EIF3A: variants seen among roughly 807,000 people sequenced by gnomAD.
The protein encoded by EIF3A is eukaryotic translation initiation factor 3 subunit A.
EIF3A carries 21 observed loss-of-function variants against 186.6 expected under a neutral mutation model. The observed-to-expected ratio is 0.11, with a 90% CI of 0.08 to 0.16. The LOEUF is 0.16. EIF3A is among the 10% of genes least tolerant of loss of function. The pLI is 1.00. For missense variants in EIF3A, 1,306 were observed against 1,796.3 expected, an observed-to-expected ratio of 0.73 and a Z score of 4.93; for synonymous variants, 563 against 584.3, an observed-to-expected ratio of 0.96 and a Z score of 0.52.
rs1172056746 is a variant in EIF3A, at chr10:119,060,731, T to C, written c.1326+15A>G. ...ACATAACATCACAAAACTTTTTTTA[T>C]TTTTTTATTTTTACCTGCTGCAGAA... is the stretch of plus-strand genomic sequence containing the variant. On this transcript the variant is annotated intron_variant, in intron 9 of 21. Coordinates refer to ENST00000369144, the MANE Select transcript of EIF3A (RefSeq NM_003750.4). 4.4e-6 allele frequency: 7 copies of C among 1,578,368 alleles called. No individual in the cohort carries two copies. The East Asian group carries it at 1.4e-4, about 31-fold the overall frequency.
chr10:119,078,338 C>A (rs569480882), intron 1 of EIF3A, among the ~76,000 whole-genome samples: 21 of 152,212 alleles, frequency 1.4e-4, no homozygotes, highest in East Asian at 7.7e-4. Flanking sequence ...ATTTTTCCCC[C>A]AAAAATTGCT....
In EIF3A at chr10:119,051,299, C is replaced by T. The variant is rs935852797; in HGVS notation, c.2219G>A (p.Arg740His). The T allele has an allele frequency of 2.5e-6, 4 of 1,601,498 alleles. No individual in the cohort carries two copies. The highest frequency in any genetic ancestry group is 2.6e-6 in the Non-Finnish European group (3 of 1,176,124). Residue 740 changes from arginine (R) to histidine (H), a missense_variant, in exon 15 of 22, where the codon CGT (arginine) becomes CAT (histidine). Arg to His is a conservative substitution (Grantham distance 29). Transcript: ENST00000369144. ...EERITTMQLE[R>H]EKALEHKNRM... ...ATTCTTATGTTCAAGAGCCTTTTCA[C>T]GTTCTAGCTGCATTGTAGTAATCTG...
Position 119,053,156 on chromosome 10 carries a change from C to T in EIF3A, c.2197-1835G>A, listed in dbSNP as rs140114092. On this transcript the variant is annotated intron_variant, in intron 14 of 21. Coordinates refer to ENST00000369144, the MANE Select transcript of EIF3A (RefSeq NM_003750.4). ...CAGGGGGCTTAAAATATTCAGCAAACCATGCTATTAACAGATATGCTGTCA... is the reference window on the plus strand; with the variant it reads ...CAGGGGGCTTAAAATATTCAGCAAATCATGCTATTAACAGATATGCTGTCA... Among the ~76,000 whole-genome samples, 996 of 152,156 alleles carry T rather than the reference C, an allele frequency of 6.5e-3. 10 individuals are homozygous for T. Among genetic ancestry groups the T allele is most frequent in the African/African-American group, 0.022 (929 of 41,494 alleles).
In EIF3A at chr10:119,042,700, C is replaced by T; in HGVS notation, c.2820G>A (p.Leu940=). Residue 940 remains leucine, a synonymous_variant, in exon 19 of 22, where the codon CTG becomes CTA. Transcript: ENST00000369144. The surrounding 1 kb of genome is among the most constrained non-coding windows in gnomAD (Gnocchi z 7.8). ...HRRDEERPRR[L]GDDEDREPSL... is the part of the protein sequence containing the mutation. ...AGGGCTCTCTATCTTCATCATCCCCCAGACGCCGGGGCCGCTCTTCATCTC... is the reference window on the plus strand; with the variant it reads ...AGGGCTCTCTATCTTCATCATCCCCTAGACGCCGGGGCCGCTCTTCATCTC... The T allele has an allele frequency of 2.5e-6, 4 of 1,614,126 alleles. No individual in the cohort carries two copies. Among genetic ancestry groups the T allele is most frequent in the Non-Finnish European group, 3.4e-6 (4 of 1,180,036 alleles).
rs1848182084 is a variant in EIF3A at position 119,039,637 on chromosome 10, T to G, written c.3527-1198A>C. On this transcript the variant is annotated intron_variant, in intron 19 of 21. Transcript: ENST00000369144. The stretch of plus-strand genomic sequence containing the variant: ...GTGATCTGAGATCACGCCACTGCAC[T>G]CCAGCCTGGGAGACAGTGAGGCCCC... Among the ~76,000 whole-genome samples the G allele has an allele frequency of 4.6e-5, 7 of 152,224 alleles. No individual in the cohort carries two copies. In the South Asian group the frequency reaches 1.4e-3, roughly 32 times the overall value.
chr10:119,057,842 G>T, intron 12 of EIF3A, 114 bp downstream of exon 12: 1 of 792,346 alleles, frequency 1.3e-6, no homozygotes, highest in Non-Finnish European at 2.0e-6. Flanking sequence ...ATGACCAGCT[G>T]TACCAAAATG....
chr10:119,073,149 A>G (rs1844105847), intron 3 of EIF3A, 96 bp from the exon 4 acceptor site: 4 of 1,220,052 alleles, frequency 3.3e-6, no homozygotes, highest in Non-Finnish European at 3.4e-6. Flanking sequence ...AACAGTGCAA[A>G]TTCTTCCCAC....
At chr10:119,064,350 A>G (rs1024167994) in intron 7 of EIF3A, among the ~76,000 whole-genome samples, 7 of 152,142 alleles carry the variant, frequency 4.6e-5, no homozygotes, top group African/African-American at 1.7e-4. Flanking sequence ...GGATCTGTGT[A>G]CCCACCCAAA....
rs1169684436 is a variant in EIF3A at position 119,064,415 on chromosome 10, TAAATCA to T, written c.1122+978_1122+983del. ...GGAGTGTGGCCTGGTGGGAGGTGAC[TAAATCA>T]TGGGGGCAATTTCTAATGATTTAGC... On this transcript the variant is annotated intron_variant, in intron 7 of 21. Coordinates refer to ENST00000369144, the MANE Select transcript of EIF3A (RefSeq NM_003750.4). Among the ~76,000 whole-genome samples the T allele has an allele frequency of 3.3e-5, 5 of 152,278 alleles. No individual in the cohort carries two copies. The East Asian group carries it at 9.6e-4, about 29-fold the overall frequency.
intron 1 of EIF3A, among the ~76,000 whole-genome samples, chr10:119,075,278 T>A (rs889674277): frequency 6.6e-6 from 1 of 152,112 alleles, no homozygotes; most frequent in Admixed American, 6.6e-5. Flanking sequence ...TTCTTTTGAA[T>A]TTATTATCCC....
At chr10:119,074,460 CGT>C (rs1564761856) in intron 1 of EIF3A, among the ~76,000 whole-genome samples, 1 of 96,938 alleles carries the variant, frequency 1.0e-5, no homozygotes, top group African/African-American at 3.4e-5. Flanking sequence ...AGCGAAATTC[CGT>C]GTCTCAAAAA....
Position 119,038,380 on chromosome 10 carries a change from T to C in EIF3A, c.3586A>G (p.Arg1196Gly). The change falls in exon 20 of 22, where the codon AGG becomes GGG. Residue 1196 changes from arginine to glycine, a missense_variant. Transcript: ENST00000369144. Reference sequence around the variant, plus strand: ...TCCCATTCACGTTCTTCTGATGGCCTTGATTCTCGAGGTGGACCCCAGCTC... The same window carrying C: ...TCCCATTCACGTTCTTCTGATGGCCCTGATTCTCGAGGTGGACCCCAGCTC... ...EESWGPPRES[R>G]PSEEREWDRE... The C allele has an allele frequency of 6.2e-7, 1 of 1,614,222 alleles. No individual in the cohort carries two copies.
intron 2 of EIF3A, 66 bp downstream of exon 2, chr10:119,073,681 A>G: frequency 6.4e-7 from 1 of 1,560,302 alleles, no homozygotes; most frequent in Non-Finnish European, 8.7e-7. Flanking sequence ...TCACTTCGAA[A>G]GGTAAGTTCT....
At chr10:119,072,838 C>T (rs1294146012) in intron 4 of EIF3A, 52 bp downstream of exon 4, 5 of 1,547,846 alleles carry the variant, frequency 3.2e-6, no homozygotes, top group Non-Finnish European at 4.3e-6. Context: ...AGAAAATTTA[C>T]TCCTCAGTCA....
At chr10:119,061,826 C>T (rs1843892768) in intron 7 of EIF3A, among the ~76,000 whole-genome samples, 1 of 152,098 alleles carries the variant, frequency 6.6e-6, no homozygotes, top group Non-Finnish European at 1.5e-5. Flanking sequence ...ACAAACATAG[C>T]GGTGAGAAAA....
At chr10:119,037,378 A>C in intron 20 of EIF3A, 69 bp from the exon 21 acceptor site, 2 of 1,385,018 alleles carry the variant, frequency 1.4e-6, no homozygotes, top group Non-Finnish European at 2.0e-6. Flanking sequence ...AAGTACATCC[A>C]GTCCAAGCTG....
rs777716263 is a variant in EIF3A at position 119,034,533 on chromosome 10, G to A, written c.*1506C>T. The A allele has an allele frequency of 1.3e-5, 2 of 152,138 alleles. No individual in the cohort carries two copies. The highest frequency in any genetic ancestry group is 2.9e-5 in the Non-Finnish European group (2 of 68,034). The allele number at this position is 152,138 out of a possible 1,614,324, so 9.4% of individuals were successfully genotyped here. A position where few individuals can be genotyped will look rare whatever the true frequency, so the allele number is the denominator to read the frequency against. ...ACGAAAGACCTTTAAAGACTTCTAC[G>A]TATTTGAAATACCAGATACTAAGGT... is the stretch of plus-strand genomic sequence containing the variant. On this transcript the variant is annotated 3_prime_UTR_variant, in exon 22 of 22. Transcript: ENST00000369144.
At chr10:119,045,042 T>C (rs1848266016) in intron 17 of EIF3A, among the ~76,000 whole-genome samples, 1 of 151,296 alleles carries the variant, frequency 6.6e-6, no homozygotes, top group Non-Finnish European at 1.5e-5. Flanking sequence ...CCACCCACAT[T>C]CAAGCTATTC....
At position 119,035,457 on chromosome 10, in the gene EIF3A, TTC is replaced by T. The variant is rs1589682208; in HGVS notation, c.*580_*581del. 1 of 149,646 alleles carries T rather than the reference TTC, an allele frequency of 6.7e-6. No homozygotes were observed. Among genetic ancestry groups the T allele is most frequent in the East Asian group, 2.0e-4 (1 of 5,098 alleles). 9.3% of individuals were successfully genotyped at this position (149,646 alleles called of 1,614,324 possible). ...AACTGCAAATTGCTTTGTACTCACC[TTC>T]TCTCAAGTAAAATCTAAAGAAAACC... On this transcript the variant is annotated 3_prime_UTR_variant, in exon 22 of 22. Transcript: ENST00000369144.
Sources: gnomAD v4.1 joint callset for allele counts (sites outside exome capture counted in the v4.1 genomes callset) on GRCh38, gnomAD v4.1.1 for gene constraint, Gnocchi (gnomAD v3.1) non-coding constraint, MANE v1.5 for transcripts, NCBI Gene and HGNC (gene_info 2026-07-23, HGNC 2026-07-21) for gene names.